Variants in DYNC2H1 observed in about 807,000 individuals in gnomAD.
The protein encoded by DYNC2H1 is dynein cytoplasmic 2 heavy chain 1.
DYNC2H1 carries 410 observed loss-of-function variants against 570.0 expected under a neutral mutation model. That is an observed-to-expected ratio of 0.72 (90% CI 0.66 to 0.78). The LOEUF is 0.78. DYNC2H1 is among the 30% of genes least tolerant of loss of function. The probability of loss-of-function intolerance (pLI) is 0.00; values close to 1 mark genes in which losing one functional copy is unlikely to be tolerated. For missense variants in DYNC2H1, 4,865 were observed against 5,046.4 expected, an observed-to-expected ratio of 0.96 and a Z score of 1.09; for synonymous variants, 1,688 against 1,677.6, an observed-to-expected ratio of 1.01 and a Z score of -0.15.
intron 84 of DYNC2H1, among the ~76,000 whole-genome samples, chr11:103,426,464 G>T (rs536670764): frequency 8.5e-5 from 13 of 152,274 alleles, no homozygotes; most frequent in African/African-American, 2.4e-4. Flanking sequence ...AGGACTGATG[G>T]ATTACAAATG....
chr11:103,174,113 C>G lies in DYNC2H1; in HGVS notation c.5617C>G (p.Leu1873Val), dbSNP rs1334553969. 3.1e-6 allele frequency: 5 copies of G among 1,590,816 alleles called. No homozygotes were observed. Among genetic ancestry groups the G allele is most frequent in the Non-Finnish European group, 2.6e-6 (3 of 1,167,336 alleles). ...DWGLRALKTVLRGSGNLLRQL... is the reference protein window; with the variant it reads ...DWGLRALKTVVRGSGNLLRQL... ...GGGTTTGAGAGCTTTGAAGACAGTT[C>G]TGAGAGGAAGTGGAAATCTCCTTAG... The change falls in exon 36 of 89, where the codon CTG becomes GTG. Residue 1873 changes from leucine (L) to valine (V), a missense_variant. Coordinates refer to ENST00000375735, the MANE Select transcript of DYNC2H1 (RefSeq NM_001377.3).
At position 103,122,912 on chromosome 11, in the gene DYNC2H1, G is replaced by C; in HGVS notation, c.1573G>C (p.Asp525His). 1 of 1,612,730 alleles carries C rather than the reference G, an allele frequency of 6.2e-7. No individual in the cohort carries two copies. Residue 525 changes from aspartate to histidine, a missense_variant, in exon 11 of 89, where the codon GAC becomes CAC. This residue lies in a region of DYNC2H1 where 1,936 missense variants were observed against 1,962.1 expected (regional missense o/e 0.99). Coordinates refer to ENST00000375735, the MANE Select transcript of DYNC2H1 (RefSeq NM_001377.3). ...CFHQSAKDLL[D>H]QLKLYEQEQF... is the part of the protein sequence containing the mutation. ...CCATCAAAGTGCCAAAGATCTCTTA[G>C]ACCAGCTTAAACTATATGAACAGGA...
intron 70 of DYNC2H1, among the ~76,000 whole-genome samples, chr11:103,265,496 G>C (rs1183530080): frequency 1.3e-5 from 2 of 152,148 alleles, no homozygotes; most frequent in African/African-American, 2.4e-5. Context: ...TTTTTCAGCT[G>C]TATCAGATCA....
rs35767159 is a variant in DYNC2H1, at chr11:103,428,185, C to CTTT, written c.12367-7745_12367-7743dup. Among the ~76,000 whole-genome samples, 298 of 134,700 alleles carry CTTT rather than the reference C, an allele frequency of 2.2e-3. 3 individuals are homozygous for CTTT. Among genetic ancestry groups the CTTT allele is most frequent in the African/African-American group, 4.1e-3 (148 of 36,084 alleles). The allele number at this position is 134,700 out of a possible 152,430, so 88.4% of individuals were successfully genotyped here. ...ATATATGGTCTCTCTATAACATGAG[C>CTTT]TTTTTTTTTTTTTTTCAGAATATCT... is the stretch of plus-strand genomic sequence containing the variant. On this transcript the variant is annotated intron_variant, in intron 84 of 88. Coordinates refer to ENST00000375735, the MANE Select transcript of DYNC2H1 (RefSeq NM_001377.3).
chr11:103,273,165 T>C (rs74822578), intron 70 of DYNC2H1, among the ~76,000 whole-genome samples: 2,199 of 150,866 alleles, frequency 0.015, 60 homozygotes, highest in African/African-American at 0.05. Flanking sequence ...TTTTCTTTTC[T>C]CTTCTCTTCT....
Position 103,116,589 on chromosome 11 carries a change from G to A in DYNC2H1, c.641G>A (p.Ser214Asn), listed in dbSNP as rs1858410550. The A allele has an allele frequency of 1.2e-6, 2 of 1,604,498 alleles. No individual in the cohort carries two copies. Among genetic ancestry groups the A allele is most frequent in the Non-Finnish European group, 1.7e-6 (2 of 1,174,992 alleles). Reference sequence around the variant, plus strand: ...TTCTAGGAGTTTTATAACTTGGACAGTCTATCCTTACTAGAAGTTGTTGAC... The same window carrying A: ...TTCTAGGAGTTTTATAACTTGGACAATCTATCCTTACTAGAAGTTGTTGAC... ...TIAREFYNLD[S>N]LSLLEVVDLV... The change falls in exon 5 of 89, where the codon AGT (serine) becomes AAT (asparagine). Residue 214 changes from serine (S) to asparagine (N), a missense_variant. Ser to Asn is a conservative substitution (Grantham distance 46). This residue lies in a region of DYNC2H1 where 1,936 missense variants were observed against 1,962.1 expected (regional missense o/e 0.99). Transcript: ENST00000375735.
chr11:103,200,530 TAAAAG>T (rs1565390573), intron 50 of DYNC2H1, among the ~76,000 whole-genome samples: 1 of 152,142 alleles, frequency 6.6e-6, no homozygotes, highest in Non-Finnish European at 1.5e-5. Context: ...CCCACAGAAA[TAAAAG>T]AAGTAGTATG....
rs989574774 is a variant in DYNC2H1 at position 103,233,836 on chromosome 11, G to A, written c.9441-198G>A. On this transcript the variant is annotated intron_variant, in intron 60 of 88. Coordinates refer to ENST00000375735, the MANE Select transcript of DYNC2H1 (RefSeq NM_001377.3). ...GTAGAGAATGCTACACTTTATGTGTGTGTGTGTGTGTGTGTGTGTGTGTGT... is the reference window on the plus strand; with the variant it reads ...GTAGAGAATGCTACACTTTATGTGTATGTGTGTGTGTGTGTGTGTGTGTGT... Among the ~76,000 whole-genome samples the A allele has an allele frequency of 5.9e-3, 411 of 70,236 alleles. 5 individuals carry two copies. The highest frequency in any genetic ancestry group is 0.021 in the African/African-American group (372 of 17,936). 46.1% of individuals were successfully genotyped at this position (70,236 alleles called of 152,430 possible). A position where few individuals can be genotyped will look rare whatever the true frequency, so the allele number is the denominator to read the frequency against.
intron 82 of DYNC2H1, among the ~76,000 whole-genome samples, chr11:103,341,588 C>A (rs1210642241): frequency 6.6e-6 from 1 of 152,080 alleles, no homozygotes; most frequent in Non-Finnish European, 1.5e-5. Flanking sequence ...ACTTTTGGGG[C>A]AATTCTTAGG....
chr11:103,154,658 G>A, intron 23 of DYNC2H1, 37 bp from the exon 24 acceptor site: 1 of 1,567,480 alleles, frequency 6.4e-7, no homozygotes, highest in Middle Eastern at 1.7e-4. Context: ...TTTATTTTTG[G>A]ATGTAATCTT....
chr11:103,332,740 G>A lies in DYNC2H1; in HGVS notation c.12039+8750G>A, dbSNP rs1021864284. ...TTCTCGGCTGGGCACAGTGGCTCAC[G>A]CCTGCTATTCCAGCACTTTGGGAGG... is the stretch of plus-strand genomic sequence containing the variant. On this transcript the variant is annotated intron_variant, in intron 82 of 88. Coordinates refer to ENST00000375735, the MANE Select transcript of DYNC2H1 (RefSeq NM_001377.3). Among the ~76,000 whole-genome samples, 6 of 152,244 alleles carry A rather than the reference G, an allele frequency of 3.9e-5. No individual in the cohort carries two copies. The South Asian group carries it at 8.3e-4, about 21-fold the overall frequency.
At chr11:103,237,484 G>A (rs1417039377) in intron 63 of DYNC2H1, among the ~76,000 whole-genome samples, 2 of 152,044 alleles carry the variant, frequency 1.3e-5, no homozygotes, top group African/African-American at 4.8e-5. Flanking sequence ...CGGTAGAGAA[G>A]TTGCTGACCA....
At chr11:103,233,688 C>G (rs1864101917) in intron 60 of DYNC2H1, among the ~76,000 whole-genome samples, 1 of 151,680 alleles carries the variant, frequency 6.6e-6, no homozygotes, top group Non-Finnish European at 1.5e-5. Flanking sequence ...TTTTGCTGAT[C>G]AGTAATATAA....
At chr11:103,367,988 T>C (rs1940988150) in intron 83 of DYNC2H1, among the ~76,000 whole-genome samples, 1 of 152,184 alleles carries the variant, frequency 6.6e-6, no homozygotes, top group Non-Finnish European at 1.5e-5. Flanking sequence ...CCATGGTGTA[T>C]ATATACCATG....
chr11:103,159,949 T>C (rs1861016906), intron 28 of DYNC2H1, among the ~76,000 whole-genome samples: 1 of 152,148 alleles, frequency 6.6e-6, no homozygotes, highest in Non-Finnish European at 1.5e-5. Context: ...AGTTGAGTAG[T>C]TGACACTGAC....
At chr11:103,370,460 AG>A (rs1816518638) in intron 83 of DYNC2H1, among the ~76,000 whole-genome samples, 2 of 152,150 alleles carry the variant, frequency 1.3e-5, no homozygotes, top group Admixed American at 6.5e-5. Flanking sequence ...GTAAAACCCC[AG>A]GGCCTTGAGT....
intron 37 of DYNC2H1, among the ~76,000 whole-genome samples, chr11:103,176,711 A>G (rs1861833446): frequency 6.6e-6 from 1 of 151,724 alleles, no homozygotes; most frequent in Admixed American, 6.6e-5. Flanking sequence ...TATATATTTT[A>G]TTTTTATTTT....
In DYNC2H1 at chr11:103,120,738, C is replaced by T. The variant is rs200822573; in HGVS notation, c.1184C>T (p.Ala395Val). 2.7e-4 allele frequency: 428 copies of T among 1,603,862 alleles called. No homozygotes were observed. Among genetic ancestry groups the T allele is most frequent in the East Asian group, 5.6e-4 (25 of 44,618 alleles). ...VSQYEKIIAP[A>V]EQKIAGKLKN... ...CAATATGAAAAGATTATTGCACCTG[C>T]GGAACAAAAAATAGCAGGAAAATTG... The change falls in exon 8 of 89, where the codon GCG (alanine) becomes GTG (valine). Residue 395 changes from alanine (A) to valine (V), a missense_variant. Physicochemically the swap from Ala to Val is moderately conservative, Grantham distance 64. Transcript: ENST00000375735.
chr11:103,450,168 A>T (rs1944550764), intron 85 of DYNC2H1, among the ~76,000 whole-genome samples: 1 of 152,192 alleles, frequency 6.6e-6, no homozygotes, highest in Non-Finnish European at 1.5e-5. Flanking sequence ...AACAAAACCA[A>T]ACTTTTACAC....
Sources: allele counts gnomAD v4.1 joint callset (sites outside exome capture counted in the v4.1 genomes callset), GRCh38; gene constraint gnomAD v4.1.1; regional missense constraint gnomAD v4.1.1; transcripts MANE v1.5; gene names NCBI Gene and HGNC (gene_info 2026-07-23, HGNC 2026-07-21).